Variants in IL1RAPL2 observed in about 807,000 individuals in gnomAD.
IL1RAPL2 encodes the protein X-linked interleukin-1 receptor accessory protein-like 2.
Under a neutral mutation model 44.1 loss-of-function variants are expected in IL1RAPL2, and 3 were observed. That is an observed-to-expected ratio of 0.07 (90% CI 0.03 to 0.18). The LOEUF is 0.18. Among genes scored for constraint, IL1RAPL2 ranks in the 10% least tolerant of loss-of-function variants. The pLI is 1.00. For missense variants in IL1RAPL2, 391 were observed against 496.4 expected (o/e 0.79, Z 2.02); for synonymous variants, 181 against 178.8 (o/e 1.01, Z -0.10).
chrX:105,349,235 C>G (rs2035134204), intron 5 of IL1RAPL2, among the ~76,000 whole-genome samples: 1 of 111,573 alleles, frequency 9.0e-6, no homozygotes, highest in African/African-American at 3.3e-5. Context: ...AACTTTGCAC[C>G]AGGCTCATCA....
chrX:104,977,482 T>A (rs1010808980), intron 2 of IL1RAPL2, among the ~76,000 whole-genome samples: 6 of 111,976 alleles, frequency 5.4e-5, no homozygotes, highest in African/African-American at 1.9e-4. Flanking sequence ...TGCCAATTGC[T>A]GCCTCTCCAC....
intron 2 of IL1RAPL2, among the ~76,000 whole-genome samples, chrX:105,112,927 A>C (rs1231600509): frequency 2.7e-5 from 3 of 112,685 alleles, no homozygotes; most frequent in South Asian, 3.7e-4. Context: ...TCAGTGAAAG[A>C]CCCTATTGGT....
At chrX:105,725,876 C>T (rs1038830634) in intron 7 of IL1RAPL2, among the ~76,000 whole-genome samples, 1 of 111,805 alleles carries the variant, frequency 8.9e-6, no homozygotes, top group Non-Finnish European at 1.9e-5. Flanking sequence ...GGTTTCAAAT[C>T]TCATCACACC....
chrX:105,073,098 G>T (rs1313501549), intron 2 of IL1RAPL2, among the ~76,000 whole-genome samples: 1 of 104,969 alleles, frequency 9.5e-6, no homozygotes, highest in Non-Finnish European at 1.9e-5. Flanking sequence ...CAATATTCAG[G>T]TTTGTTACAT....
At chrX:105,511,206 C>A (rs2036467267) in intron 6 of IL1RAPL2, among the ~76,000 whole-genome samples, 1 of 111,662 alleles carries the variant, frequency 9.0e-6, no homozygotes, top group African/African-American at 3.3e-5. Flanking sequence ...TCTGTTTAAC[C>A]AGCTCTTATG....
intron 5 of IL1RAPL2, among the ~76,000 whole-genome samples, chrX:105,418,984 G>A (rs1267401338): frequency 8.9e-6 from 1 of 111,957 alleles, no homozygotes; most frequent in African/African-American, 3.2e-5. Flanking sequence ...CACAGTCATT[G>A]GCTTGAGAGT....
rs375349930 is a variant in IL1RAPL2 at position 104,877,372 on chromosome X, C to T, written c.82+218377C>T. Among the ~76,000 whole-genome samples the T allele has an allele frequency of 4.5e-5, 5 of 111,427 alleles. No individual in the cohort carries two copies. The East Asian group carries it at 1.4e-3, about 32-fold the overall frequency. ...CAGTGTAAAAGTGTTCCTATTTCTC[C>T]ACATCCTCTACCATTCCTTCTGAAA... On this transcript the variant is annotated intron_variant, in intron 2 of 10. Transcript: ENST00000372582.
chrX:105,130,375 C>T (rs1007168061), intron 2 of IL1RAPL2, among the ~76,000 whole-genome samples: 3 of 111,283 alleles, frequency 2.7e-5, no homozygotes, highest in East Asian at 2.9e-4. Flanking sequence ...GTATTACCGC[C>T]GACCATTTGA....
At chrX:104,856,765 T>C (rs1209861093) in intron 2 of IL1RAPL2, among the ~76,000 whole-genome samples, 1 of 112,083 alleles carries the variant, frequency 8.9e-6, no homozygotes, top group Non-Finnish European at 1.9e-5. Context: ...AAAAACTAAA[T>C]TAATATATGC....
intron 2 of IL1RAPL2, among the ~76,000 whole-genome samples, chrX:104,696,191 A>G (rs1368209826): frequency 8.9e-6 from 1 of 112,325 alleles, no homozygotes; most frequent in Non-Finnish European, 1.9e-5. Flanking sequence ...CAGTAGAACT[A>G]CATTTCAAGC....
At chrX:105,576,943 G>A (rs1450810862) in intron 6 of IL1RAPL2, among the ~76,000 whole-genome samples, 15 of 111,472 alleles carry the variant, frequency 1.3e-4, no homozygotes, top group African/African-American at 4.9e-4. Flanking sequence ...TCATTGGTAT[G>A]ACAAGACTGA....
intron 2 of IL1RAPL2, among the ~76,000 whole-genome samples, chrX:105,039,787 C>T (rs374932717): frequency 9.9e-5 from 11 of 111,432 alleles, no homozygotes; most frequent in East Asian, 2.8e-4. Flanking sequence ...TGGGCTGAGA[C>T]GATGGGGTTT....
intron 1 of IL1RAPL2, among the ~76,000 whole-genome samples, chrX:104,631,298 T>C (rs2148011769): frequency 8.9e-6 from 1 of 112,196 alleles, no homozygotes; most frequent in South Asian, 3.7e-4. Flanking sequence ...AAAATAAACA[T>C]ATGTGTGCAT....
At chrX:104,990,384 C>T (rs1423579581) in intron 2 of IL1RAPL2, among the ~76,000 whole-genome samples, 1 of 107,164 alleles carries the variant, frequency 9.3e-6, no homozygotes, top group Non-Finnish European at 1.9e-5. Context: ...ACATACCCAC[C>T]CTCTCTCCCC....
chrX:104,921,667 A>G (rs1379197616), intron 2 of IL1RAPL2, among the ~76,000 whole-genome samples: 1 of 112,808 alleles, frequency 8.9e-6, no homozygotes, highest in Non-Finnish European at 1.9e-5. Flanking sequence ...CACTGTCAGA[A>G]TAAGAGAAGA....
At chrX:104,602,321 C>CA (rs1928900064) in intron 1 of IL1RAPL2, among the ~76,000 whole-genome samples, 1 of 111,753 alleles carries the variant, frequency 8.9e-6, no homozygotes, top group Non-Finnish European at 1.9e-5. Flanking sequence ...CCATGGTATT[C>CA]ACAACCCGCA....
chrX:105,381,448 C>A lies in IL1RAPL2; in HGVS notation c.698-102865C>A, dbSNP rs2035429616. ...CAAAGACAGAGAGGCAAAATACATT[C>A]ATGTGGATAAAGTAAAATGTACGTA... On this transcript the variant is annotated intron_variant, in intron 5 of 10. Transcript: ENST00000372582. 2.7e-5 allele frequency among the ~76,000 whole-genome samples: 3 copies of A among 111,458 alleles called. No individual in the cohort carries two copies. In the South Asian group the frequency reaches 1.1e-3, roughly 42 times the overall value.
intron 8 of IL1RAPL2, among the ~76,000 whole-genome samples, chrX:105,743,231 C>T (rs1184358941): frequency 8.9e-6 from 1 of 111,870 alleles, no homozygotes; most frequent in Non-Finnish European, 1.9e-5. Context: ...TCAGAACCCT[C>T]CATTCACAGT....
At chrX:104,787,769 C>T in intron 2 of IL1RAPL2, among the ~76,000 whole-genome samples, 1 of 111,350 alleles carries the variant, frequency 9.0e-6, no homozygotes, top group East Asian at 2.8e-4. Flanking sequence ...AAAATTGCAG[C>T]ATGAGATCTT....
Sources: gnomAD v4.1 joint callset for allele counts (sites outside exome capture counted in the v4.1 genomes callset) on GRCh38, gnomAD v4.1.1 for gene constraint, MANE v1.5 for transcripts, NCBI Gene and HGNC (gene_info 2026-07-23, HGNC 2026-07-21) for gene names.